The following LPIN2 variants were observed in gnomAD, a reference collection of about 807,000 sequenced individuals.
LPIN2 encodes phosphatidate phosphatase LPIN2.
LPIN2 carries 55 observed loss-of-function variants against 111.4 expected under a neutral mutation model. The observed-to-expected ratio is 0.49, with a 90% CI of 0.40 to 0.62. LPIN2 has a LOEUF of 0.62. Among genes scored for constraint, LPIN2 ranks in the 20% least tolerant of loss-of-function variants. The pLI is 0.00. For missense variants in LPIN2, 992 were observed against 1,112.1 expected (o/e 0.89, Z 1.54); for synonymous variants, 425 against 414.0 (o/e 1.03, Z -0.32).
At position 2,927,719 on chromosome 18, in the gene LPIN2, T is replaced by C. The variant is rs1007627972; in HGVS notation, c.1710+3A>G. 3.7e-6 allele frequency: 6 copies of C among 1,613,920 alleles called. No homozygotes were observed. Among genetic ancestry groups the C allele is most frequent in the Non-Finnish European group, 4.2e-6 (5 of 1,179,850 alleles). ...CGGAAACAATGACCTCTAGGTCTGT[T>C]ACCTGTTTGGTCATGCTTTCTCTCT... On this transcript the variant is annotated splice_donor_region_variant and intron_variant, in intron 12 of 19. Transcript: ENST00000677752.
chr18:2,921,434 T>C, intron 18 of LPIN2, 99 bp downstream of exon 18: 1 of 915,482 alleles, frequency 1.1e-6, no homozygotes. Context: ...TCATTTTGCT[T>C]ACAAAACTGC....
chr18:2,921,094 G>A (rs958219656), intron 18 of LPIN2: 9 of 615,986 alleles, frequency 1.5e-5, no homozygotes, highest in African/African-American at 1.3e-4. Context: ...GCCACCAAGG[G>A]GAAGCCAGGG....
intron 1 of LPIN2, among the ~76,000 whole-genome samples, chr18:3,008,693 C>T (rs2078553843): frequency 6.6e-6 from 1 of 151,720 alleles, no homozygotes; most frequent in South Asian, 2.1e-4. Context: ...AACCTAGATC[C>T]TTCCTTCCTT....
chr18:2,991,124 G>T, intron 1 of LPIN2: 1 of 407,276 alleles, frequency 2.5e-6, no homozygotes, highest in Non-Finnish European at 4.9e-6. Flanking sequence ...TATATTGCTT[G>T]CTCTGCTTCA....
Position 2,931,346 on chromosome 18 carries a change from T to G in LPIN2, c.1366A>C (p.Thr456Pro). The G allele has an allele frequency of 6.2e-7, 1 of 1,614,128 alleles. No individual in the cohort carries two copies. ...ATGGCAGAATCTGAGAGGCACTCGG[T>G]GCCGCTATCTGCAGCTGCGCTTCCC... ...SVGSAAADSG[T>P]ECLSDSAMDL... is the part of the protein sequence containing the mutation. The change falls in exon 9 of 20, where the codon ACC becomes CCC. Residue 456 changes from threonine (T) to proline (P), a missense_variant. Thr to Pro is a conservative substitution (Grantham distance 38). Around this residue, in one of 4 missense-constraint regions of LPIN2, gnomAD observed 709 missense variants for 753.2 expected, o/e 0.94. Transcript: ENST00000677752.
intron 1 of LPIN2, among the ~76,000 whole-genome samples, chr18:2,969,460 C>T (rs1283800371): frequency 6.6e-6 from 1 of 152,154 alleles, no homozygotes; most frequent in Non-Finnish European, 1.5e-5. Flanking sequence ...GTCAATTCCC[C>T]GTAGATCACA....
chr18:2,939,661 T>G, intron 5 of LPIN2, 58 bp from the exon 6 acceptor site: 1 of 1,595,924 alleles, frequency 6.3e-7, no homozygotes, highest in Non-Finnish European at 8.5e-7. Flanking sequence ...TCAGTCTTGC[T>G]GAGCCTGACA....
In LPIN2 at chr18:2,923,871, C is replaced by T. The variant is rs374043211; in HGVS notation, c.2088-10G>A. ...TCCCAAAGCATCCGACCTAAGAAGA[C>T]GGTAGAAACAGGAAAAGCTATCAGG... On this transcript the variant is annotated splice_polypyrimidine_tract_variant and intron_variant, in intron 15 of 19. Transcript: ENST00000677752. The T allele has an allele frequency of 2.3e-5, 37 of 1,611,726 alleles. No individual in the cohort carries two copies. Among genetic ancestry groups the T allele is most frequent in the Middle Eastern group, 1.6e-4 (1 of 6,062 alleles).
Position 2,925,593 on chromosome 18 carries a change from A to G in LPIN2, c.1794-225T>C, listed in dbSNP as rs2077119159. On this transcript the variant is annotated intron_variant, in intron 13 of 19. Transcript: ENST00000677752. This position sits in a 1 kb window ranked among gnomAD's most constrained non-coding sequence, Gnocchi z 4.1. The stretch of plus-strand genomic sequence containing the variant: ...ACTGGCAAGCACTTACTTTCTGACT[A>G]TGACCTGCTATTTTCTGCTATGCCC... 1.3e-5 allele frequency among the ~76,000 whole-genome samples: 2 copies of G among 152,332 alleles called. No individual in the cohort carries two copies. Among genetic ancestry groups the G allele is most frequent in the South Asian group, 4.1e-4 (2 of 4,828 alleles).
At chr18:2,961,483 C>G (rs1312847713) in intron 1 of LPIN2, among the ~76,000 whole-genome samples, 1 of 152,164 alleles carries the variant, frequency 6.6e-6, no homozygotes, top group Non-Finnish European at 1.5e-5. Context: ...CTAACTGGAA[C>G]ATGCAATCAA....
chr18:3,000,778 C>G (rs934702402), intron 1 of LPIN2, among the ~76,000 whole-genome samples: 2 of 152,202 alleles, frequency 1.3e-5, no homozygotes, highest in African/African-American at 4.8e-5. Flanking sequence ...GGTAAGGATT[C>G]ACTGTGAAGC....
At position 2,921,590 on chromosome 18, in the gene LPIN2, C is replaced by A. The variant is rs775976047; in HGVS notation, c.2385G>T (p.Lys795Asn). 3 of 1,614,036 alleles carry A rather than the reference C, an allele frequency of 1.9e-6. No individual in the cohort carries two copies. Among genetic ancestry groups the A allele is most frequent in the East Asian group, 4.5e-5 (2 of 44,888 alleles). ...GCTGCTTAGACGGGGCAAACAGATT[C>A]TTGATATCATTTAGACACTCAATTT... ...KFKIECLNDI[K>N]NLFAPSKQPF... The change falls in exon 18 of 20, where the codon AAG becomes AAT. Residue 795 changes from lysine (K) to asparagine (N), a missense_variant. Around this residue, in one of 4 missense-constraint regions of LPIN2, gnomAD observed 185 missense variants for 186.5 expected, o/e 0.99. Coordinates refer to ENST00000677752, the MANE Select transcript of LPIN2 (RefSeq NM_001375808.2).
At chr18:2,963,510 T>C (rs1009859043) in intron 1 of LPIN2, among the ~76,000 whole-genome samples, 3 of 151,942 alleles carry the variant, frequency 2.0e-5, no homozygotes, top group Non-Finnish European at 4.4e-5. Context: ...CACTATAAAC[T>C]ATTCCTCCTA....
chr18:2,989,238 T>C (rs1346019709), intron 1 of LPIN2, among the ~76,000 whole-genome samples: 1 of 152,190 alleles, frequency 6.6e-6, no homozygotes, highest in Non-Finnish European at 1.5e-5. Flanking sequence ...CTTAGACTCA[T>C]TATTTAAGCT....
rs531425573 is a variant in LPIN2 at position 2,980,313 on chromosome 18, AT to A, written c.-9-19465del. 2.7e-4 allele frequency among the ~76,000 whole-genome samples: 41 copies of A among 152,296 alleles called. No individual in the cohort carries two copies. The South Asian group carries it at 8.3e-3, about 31-fold the overall frequency. ...CTATGAGGAAATAAAATTCCACTCAATTAAATAATTACTTTTTTGAACACTG... is the reference window on the plus strand; with the variant it reads ...CTATGAGGAAATAAAATTCCACTCAATAAATAATTACTTTTTTGAACACTG... On this transcript the variant is annotated intron_variant, in intron 1 of 19. Coordinates refer to ENST00000677752, the MANE Select transcript of LPIN2 (RefSeq NM_001375808.2).
At chr18:2,998,123 C>T (rs2143457661) in intron 1 of LPIN2, among the ~76,000 whole-genome samples, 1 of 152,314 alleles carries the variant, frequency 6.6e-6, no homozygotes, top group South Asian at 2.1e-4. Context: ...ATGGAATCTT[C>T]AGAAACGTAA....
At chr18:2,939,454 T>TTG in intron 6 of LPIN2, 26 bp downstream of exon 6, 1 of 1,612,632 alleles carries the variant, frequency 6.2e-7, no homozygotes, top group Non-Finnish European at 8.5e-7. Context: ...TTAACACACT[T>TTG]TCCACAGGCA....
In LPIN2 at chr18:2,928,575, T is replaced by C; in HGVS notation, c.1620+16A>G. The C allele has an allele frequency of 6.2e-7, 1 of 1,613,748 alleles. No homozygotes were observed. Among genetic ancestry groups the C allele is most frequent in the Non-Finnish European group, 8.5e-7 (1 of 1,179,742 alleles). On this transcript the variant is annotated intron_variant, in intron 11 of 19. Transcript: ENST00000677752. ...CGGATGCTTTCGGAAAGGCAGCAGA[T>C]GGTGGATCGCCTCACCTTAGGCAAG...
At chr18:3,003,667 C>A (rs1598614432) in intron 1 of LPIN2, among the ~76,000 whole-genome samples, 2 of 152,286 alleles carry the variant, frequency 1.3e-5, no homozygotes, top group South Asian at 2.1e-4. Context: ...ATCTCTTAAT[C>A]ACGTTATCTT....
Sources: allele counts gnomAD v4.1 joint callset (sites outside exome capture counted in the v4.1 genomes callset), GRCh38; gene constraint gnomAD v4.1.1; regional missense constraint gnomAD v4.1.1; non-coding constraint Gnocchi (gnomAD v3.1); transcripts MANE v1.5; gene names NCBI Gene and HGNC (gene_info 2026-07-23, HGNC 2026-07-21).